GPN3: variants seen among roughly 807,000 people sequenced by gnomAD.
GPN3 encodes ATP-binding domain 1 family member C.
GPN3 carries 31 observed loss-of-function variants against 38.7 expected under a neutral mutation model. The ratio of observed to expected loss-of-function variants is 0.80; its 90% CI spans 0.60 to 1.08. The LOEUF is 1.08. Among genes scored for constraint, GPN3 ranks in the 50% least tolerant of loss-of-function variants. The pLI is 0.00. For missense variants in GPN3, 301 were observed against 354.4 expected, an observed-to-expected ratio of 0.85 and a Z score of 1.21; for synonymous variants, 116 against 120.2, an observed-to-expected ratio of 0.96 and a Z score of 0.23.
intron 1 of GPN3, among the ~76,000 whole-genome samples, chr12:110,465,699 A>G (rs2062622558): frequency 6.6e-6 from 1 of 152,192 alleles, no homozygotes; most frequent in African/African-American, 2.4e-5. Flanking sequence ...CGCCAAGATC[A>G]ATAAATAGTC....
At chr12:110,461,115 C>G (rs1157317935) in intron 2 of GPN3, 1 of 1,338,076 alleles carries the variant, frequency 7.5e-7, no homozygotes, top group Non-Finnish European at 1.1e-6. Context: ...AAGCGTGCCC[C>G]TCAGGCACTC....
intron 7 of GPN3, 108 bp downstream of exon 7, chr12:110,453,635 A>G (rs570611871): frequency 6.1e-6 from 5 of 813,052 alleles, no homozygotes; most frequent in South Asian, 4.9e-5. Flanking sequence ...ACTGCCATCA[A>G]TAAGACAAAA....
rs1339950470 is a variant in GPN3, at chr12:110,455,540, A to AT, written c.663+45dup. On this transcript the variant is annotated intron_variant, in intron 6 of 7. Transcript: ENST00000228827. ...CTGCCAAAGTGCTAGGGTTACAGGC[A>AT]TTAGCCACTGCACCTGGCCAAAAAA... 5 of 787,574 alleles carry AT rather than the reference A, an allele frequency of 6.3e-6. No homozygotes were observed. The African/African-American group carries it at 6.9e-5, about 11-fold the overall frequency. 48.8% of individuals were successfully genotyped at this position (787,574 alleles called of 1,614,324 possible). A position where few individuals can be genotyped will look rare whatever the true frequency, so the allele number is the denominator to read the frequency against.
Position 110,455,619 on chromosome 12 carries a change from T to A in GPN3, c.630A>T (p.Lys210Asn), listed in dbSNP as rs1202850417. 11 of 1,472,554 alleles carry A rather than the reference T, an allele frequency of 7.5e-6. No homozygotes were observed. Among genetic ancestry groups the A allele is most frequent in the Non-Finnish European group, 9.5e-6 (10 of 1,053,996 alleles). The allele number at this position is 1,472,554 out of a possible 1,614,324, so 91.2% of individuals were successfully genotyped here. ...EDSTSDLRSK[K>N]FKKLTKAICG... is the part of the protein sequence containing the mutation. ...ATATAGCTTTAGTCAGTTTCTTGAA[T>A]TTTTTGCTTCTTAAGTCACTTGTAG... The change falls in exon 6 of 8, where the codon AAA (lysine) becomes AAT (asparagine). Residue 210 changes from lysine to asparagine, a missense_variant. Coordinates refer to ENST00000228827, the MANE Select transcript of GPN3 (RefSeq NM_016301.4).
rs781720993 is a variant in GPN3, at chr12:110,453,835, C to T, written c.700G>A (p.Asp234Asn). The part of the protein sequence containing the change: ...DYSMVRFLPY[D>N]QSDEESMNIV... ...TTCATGCTTTCTTCATCTGACTGAT[C>T]GTAAGGTAAAAATCGAACCATGCTG... Residue 234 changes from aspartate (D) to asparagine (N), a missense_variant, in exon 7 of 8, where the codon GAT becomes AAT. Physicochemically the swap from Asp to Asn is conservative, Grantham distance 23. Coordinates refer to ENST00000228827, the MANE Select transcript of GPN3 (RefSeq NM_016301.4). The T allele has an allele frequency of 4.4e-6, 7 of 1,603,842 alleles. No individual in the cohort carries two copies. The highest frequency in any genetic ancestry group is 1.1e-5 in the South Asian group (1 of 90,832).
At chr12:110,466,326 G>A (rs1434560845) in intron 1 of GPN3, among the ~76,000 whole-genome samples, 3 of 152,058 alleles carry the variant, frequency 2.0e-5, no homozygotes, top group African/African-American at 7.2e-5. Context: ...GATAAAGAAC[G>A]TACTCAAGGA....
intron 3 of GPN3, 32 bp downstream of exon 3, chr12:110,459,663 A>C: frequency 6.8e-7 from 1 of 1,470,436 alleles, no homozygotes; most frequent in East Asian, 2.3e-5. Context: ...CAAGACTTTA[A>C]GGAAGACAAT....
intron 2 of GPN3, chr12:110,460,957 C>A: frequency 9.6e-7 from 1 of 1,036,882 alleles, no homozygotes; most frequent in South Asian, 1.3e-5. Flanking sequence ...GAGCAAGACT[C>A]CATCTCACTT....
At chr12:110,463,416 CTA>C (rs111862242) in intron 2 of GPN3, among the ~76,000 whole-genome samples, 38,213 of 150,878 alleles carry the variant, frequency 0.25, 6,695 homozygotes, top group African/African-American at 0.51. Flanking sequence ...GGCTACTATA[CTA>C]TATAGCCTGG....
intron 3 of GPN3, 27 bp downstream of exon 3, chr12:110,459,668 G>A: frequency 1.3e-6 from 2 of 1,502,092 alleles, no homozygotes; most frequent in South Asian, 1.1e-5. Context: ...CTTTAAGGAA[G>A]ACAATGCATT....
chr12:110,461,410 A>C, intron 2 of GPN3: 1 of 592,320 alleles, frequency 1.7e-6, no homozygotes, highest in Non-Finnish European at 2.9e-6. Context: ...TGAAAAAAAA[A>C]AAGACTCCAT....
Position 110,458,797 on chromosome 12 carries a change from A to T in GPN3, c.325+898T>A, listed in dbSNP as rs1437194496. 1.3e-5 allele frequency among the ~76,000 whole-genome samples: 2 copies of T among 152,154 alleles called. No individual in the cohort carries two copies. Among genetic ancestry groups the T allele is most frequent in the African/African-American group, 2.4e-5 (1 of 41,444 alleles). On this transcript the variant is annotated intron_variant, in intron 3 of 7. Coordinates refer to ENST00000228827, the MANE Select transcript of GPN3 (RefSeq NM_016301.4). The surrounding 1 kb of genome is among the most constrained non-coding windows in gnomAD (Gnocchi z 4.4). Reference sequence around the variant, plus strand: ...CTCAGTCTCAAAAAAAAGAAAAAAAAAAAAGAAAATTCACGATTTGGCTTC... The same window carrying T: ...CTCAGTCTCAAAAAAAAGAAAAAAATAAAAGAAAATTCACGATTTGGCTTC...
Position 110,452,617 on chromosome 12 carries a change from G to A in GPN3, c.*417C>T, listed in dbSNP as rs2062520248. 6.1e-6 allele frequency: 1 copy of A among 163,400 alleles called. No homozygotes were observed. The highest frequency in any genetic ancestry group is 2.4e-5 in the African/African-American group (1 of 41,446). The allele number at this position is 163,400 out of a possible 1,614,324, so 10.1% of individuals were successfully genotyped here. ...ATATACATTTTCAATATAGGAAAAT[G>A]GGAAGATACAGATAAGCAGTGGTCT... On this transcript the variant is annotated 3_prime_UTR_variant, in exon 8 of 8. Transcript: ENST00000228827.
rs1020929225 is a variant in GPN3, at chr12:110,458,969, T to C, written c.325+726A>G. 6.6e-6 allele frequency among the ~76,000 whole-genome samples: 1 copy of C among 152,108 alleles called. No individual in the cohort carries two copies. The highest frequency in any genetic ancestry group is 6.6e-5 in the Admixed American group (1 of 15,248). The stretch of plus-strand genomic sequence containing the variant: ...CTCCTGGGAGGTGTTCAGCAGGCTG[T>C]GCCCTCTGCCTTCCTCACCCTCAGC... On this transcript the variant is annotated intron_variant, in intron 3 of 7. Transcript: ENST00000228827. The surrounding 1 kb of genome is among the most constrained non-coding windows in gnomAD (Gnocchi z 4.4).
At position 110,465,291 on chromosome 12, in the gene GPN3, A is replaced by G. The variant is rs118028201; in HGVS notation, c.49-77T>C. The G allele has an allele frequency of 8.1e-3, 6,854 of 847,250 alleles. 36 individuals are homozygous for G. The highest frequency in any genetic ancestry group is 9.5e-3 in the Non-Finnish European group (4,607 of 483,678). 52.5% of individuals were successfully genotyped at this position (847,250 alleles called of 1,614,324 possible). On this transcript the variant is annotated intron_variant, in intron 1 of 7. Coordinates refer to ENST00000228827, the MANE Select transcript of GPN3 (RefSeq NM_016301.4). ...CCTTCCATACTCTGGAATACTATCC[A>G]CTAAGGTCAAAACTATGCCTTCATC...
At chr12:110,453,392 AG>A (rs1196805048) in intron 7 of GPN3, among the ~76,000 whole-genome samples, 1 of 152,140 alleles carries the variant, frequency 6.6e-6, no homozygotes. Flanking sequence ...CTGGTAGTCT[AG>A]TGGTCAGGAA....
chr12:110,464,604 T>A (rs1470722017), intron 2 of GPN3, among the ~76,000 whole-genome samples: 1 of 150,484 alleles, frequency 6.6e-6, no homozygotes, highest in African/African-American at 2.4e-5. Flanking sequence ...TTTTTTTTTT[T>A]TTTTTTGAGA....
Position 110,453,106 on chromosome 12 carries a change from TG to T in GPN3, c.793-11del. Reference sequence around the variant, plus strand: ...ACTCATCTTCACGTTCCTGACACAATGGAAACACAAAATAGAAAATATATTC... The same window carrying T: ...ACTCATCTTCACGTTCCTGACACAATGAAACACAAAATAGAAAATATATTC... On this transcript the variant is annotated splice_polypyrimidine_tract_variant and intron_variant, in intron 7 of 7. Transcript: ENST00000228827. 2 of 1,310,104 alleles carry T rather than the reference TG, an allele frequency of 1.5e-6. No homozygotes were observed. The highest frequency in any genetic ancestry group is 1.5e-5 in the African/African-American group (1 of 68,790). 81.2% of individuals were successfully genotyped at this position (1,310,104 alleles called of 1,614,324 possible). A position where few individuals can be genotyped will look rare whatever the true frequency, so the allele number is the denominator to read the frequency against.
At chr12:110,453,923 A>G (rs375175319) in intron 6 of GPN3, 52 bp from the exon 7 acceptor site, 26 of 1,429,062 alleles carry the variant, frequency 1.8e-5, no homozygotes, top group Middle Eastern at 1.8e-4. Flanking sequence ...TGCAAAATAC[A>G]TAATTTTCAA....
Sources: gnomAD v4.1 joint callset for allele counts (sites outside exome capture counted in the v4.1 genomes callset) on GRCh38, gnomAD v4.1.1 for gene constraint, Gnocchi (gnomAD v3.1) non-coding constraint, MANE v1.5 for transcripts, NCBI Gene and HGNC (gene_info 2026-07-23, HGNC 2026-07-21) for gene names.